Variants in BBX observed in about 807,000 individuals in gnomAD.
BBX encodes HMG box transcription factor BBX.
A neutral mutation model predicts 100.2 loss-of-function variants in BBX; 30 were observed. The observed-to-expected ratio is 0.30, with a 90% confidence interval of 0.22 to 0.41. The LOEUF (loss-of-function observed/expected upper bound fraction) is 0.41. Among genes scored for constraint, BBX ranks in the 10% least tolerant of loss-of-function variants. The pLI is 1.00. For synonymous variants in BBX, 376 were observed against 388.1 expected (o/e 0.97, Z 0.37); for missense variants, 1,023 against 1,129.8 (o/e 0.91, Z 1.35).
intron 2 of BBX, among the ~76,000 whole-genome samples, chr3:107,531,215 A>G (rs1458830946): frequency 2.0e-5 from 3 of 152,122 alleles, no homozygotes; most frequent in Non-Finnish European, 2.9e-5. Context: ...TTCAGTCAGT[A>G]TGTTTGCAAT....
At position 107,643,478 on chromosome 3, in the gene BBX, AGT is replaced by A. The variant is rs1042691779; in HGVS notation, c.-83-2356_-83-2355del. Among the ~76,000 whole-genome samples the A allele has an allele frequency of 2.5e-4, 38 of 152,166 alleles. No homozygotes were observed. The Middle Eastern group carries it at 0.01, about 41-fold the overall frequency. On this transcript the variant is annotated intron_variant, in intron 2 of 17. Transcript: ENST00000325805. ...GGGAAAGACAAGTTCCTAGCGAGGCAGTGGAGCTAATCACCAGGAGTCAGGAA... is the reference window on the plus strand; with the variant it reads ...GGGAAAGACAAGTTCCTAGCGAGGCAGGAGCTAATCACCAGGAGTCAGGAA...
chr3:107,682,607 C>A (rs1028771241), intron 3 of BBX, among the ~76,000 whole-genome samples: 2 of 152,036 alleles, frequency 1.3e-5, no homozygotes, highest in Non-Finnish European at 2.9e-5. Flanking sequence ...TAGGATGACT[C>A]TGGTATAAAC....
At chr3:107,656,788 G>A (rs2058169228) in intron 3 of BBX, among the ~76,000 whole-genome samples, 1 of 152,170 alleles carries the variant, frequency 6.6e-6, no homozygotes, top group South Asian at 2.1e-4. Context: ...GTCAAGATCA[G>A]GATGTGGTAA....
intron 2 of BBX, among the ~76,000 whole-genome samples, chr3:107,580,939 A>G (rs1011428553): frequency 1.1e-4 from 16 of 152,212 alleles, no homozygotes; most frequent in Admixed American, 1.0e-3. Flanking sequence ...CACAGTCAAT[A>G]TTTTTAATAA....
intron 2 of BBX, among the ~76,000 whole-genome samples, chr3:107,584,024 T>C (rs1348480473): frequency 1.4e-5 from 1 of 69,144 alleles, no homozygotes; most frequent in Non-Finnish European, 2.5e-5. Flanking sequence ...TACATATTAT[T>C]ATATATATTA....
intron 4 of BBX, 151 bp from the exon 5 acceptor site, chr3:107,716,456 G>A: frequency 2.1e-6 from 2 of 932,490 alleles, no homozygotes; most frequent in East Asian, 5.3e-5. Context: ...ATGAACAGTG[G>A]TTGTTGATTT....
At chr3:107,626,041 A>G (rs2056147160) in intron 2 of BBX, among the ~76,000 whole-genome samples, 1 of 152,196 alleles carries the variant, frequency 6.6e-6, no homozygotes, top group Non-Finnish European at 1.5e-5. Context: ...GACATATTAC[A>G]TGCTTGGCAC....
chr3:107,525,699 C>A (rs970654921), intron 1 of BBX, among the ~76,000 whole-genome samples: 7 of 152,184 alleles, frequency 4.6e-5, no homozygotes, highest in Admixed American at 2.0e-4. Context: ...TAGCTCCCCC[C>A]ACCCCGACCT....
At chr3:107,669,274 A>G (rs182912603) in intron 3 of BBX, among the ~76,000 whole-genome samples, 2 of 151,952 alleles carry the variant, frequency 1.3e-5, no homozygotes, top group Admixed American at 1.3e-4. Flanking sequence ...TATTTTGCCT[A>G]GGATCATATT....
At chr3:107,621,096 A>G (rs945178207) in intron 2 of BBX, among the ~76,000 whole-genome samples, 9 of 152,104 alleles carry the variant, frequency 5.9e-5, no homozygotes, top group Admixed American at 5.2e-4. Context: ...GAAGGGCCAC[A>G]GTTTTTTTTC....
At chr3:107,752,637 C>CT (rs1560096153) in intron 9 of BBX, among the ~76,000 whole-genome samples, 1 of 152,210 alleles carries the variant, frequency 6.6e-6, no homozygotes, top group Non-Finnish European at 1.5e-5. Flanking sequence ...AGCACTTTAG[C>CT]TGTACCTCAT....
intron 2 of BBX, among the ~76,000 whole-genome samples, chr3:107,538,927 C>T (rs549055253): frequency 6.6e-6 from 1 of 152,056 alleles, no homozygotes; most frequent in Admixed American, 6.6e-5. Flanking sequence ...ACCACAGGAA[C>T]ATGCCACCAC....
At chr3:107,534,498 T>C (rs1336629509) in intron 2 of BBX, among the ~76,000 whole-genome samples, 3 of 152,194 alleles carry the variant, frequency 2.0e-5, no homozygotes, top group African/African-American at 7.2e-5. Flanking sequence ...TTCCTCTCTC[T>C]CATCTCTTTT....
At chr3:107,538,106 T>C (rs1452139598) in intron 2 of BBX, among the ~76,000 whole-genome samples, 2 of 152,242 alleles carry the variant, frequency 1.3e-5, no homozygotes, top group Admixed American at 1.3e-4. Context: ...AACTTCTTTT[T>C]AGGTTTCGTA....
At chr3:107,757,044 A>G (rs2065531988) in intron 10 of BBX, among the ~76,000 whole-genome samples, 1 of 152,122 alleles carries the variant, frequency 6.6e-6, no homozygotes, top group South Asian at 2.1e-4. Flanking sequence ...CTTGAATAAT[A>G]TGGATGTATG....
intron 16 of BBX, 135 bp from the exon 17 acceptor site, chr3:107,800,960 A>G (rs1215043210): frequency 2.4e-6 from 2 of 835,036 alleles, no homozygotes; most frequent in Non-Finnish European, 1.9e-6. Context: ...TAAAAGCCTT[A>G]ATATTCGATG....
At chr3:107,579,194 T>A (rs756358028) in intron 2 of BBX, among the ~76,000 whole-genome samples, 7 of 152,210 alleles carry the variant, frequency 4.6e-5, no homozygotes, top group Non-Finnish European at 1.0e-4. Flanking sequence ...TTATACTGCT[T>A]ATATTTAGGA....
chr3:107,544,132 T>C (rs2049044658), intron 2 of BBX, among the ~76,000 whole-genome samples: 1 of 152,220 alleles, frequency 6.6e-6, no homozygotes, highest in African/African-American at 2.4e-5. Context: ...GTTCTGCTCC[T>C]GGGAGTTCAC....
chr3:107,664,379 C>T (rs191808484), intron 3 of BBX, among the ~76,000 whole-genome samples: 44 of 152,262 alleles, frequency 2.9e-4, no homozygotes, highest in East Asian at 9.6e-4. Flanking sequence ...TTTAAAATTA[C>T]TAGATTTTTG....
Sources: gnomAD v4.1 joint callset for allele counts (sites outside exome capture counted in the v4.1 genomes callset) on GRCh38, gnomAD v4.1.1 for gene constraint, MANE v1.5 for transcripts, NCBI Gene and HGNC (gene_info 2026-07-23, HGNC 2026-07-21) for gene names.